The following EPS15 variants were observed in gnomAD, a reference collection of about 807,000 sequenced individuals.
EPS15 encodes the protein epidermal growth factor receptor pathway substrate 15.
In EPS15, 72 loss-of-function variants were observed where a neutral mutation model predicts 113.8. That is an observed-to-expected ratio of 0.63 (90% CI 0.52 to 0.77). EPS15 has a LOEUF of 0.77. Among genes scored for constraint, EPS15 ranks in the 30% least tolerant of loss-of-function variants. EPS15 has a pLI of 0.00. For synonymous variants in EPS15, 344 were observed against 363.4 expected (o/e 0.95, Z 0.61); for missense variants, 1,048 against 1,045.8 (o/e 1.00, Z -0.03).
chr1:51,485,461 C>T (rs549019554), intron 1 of EPS15, among the ~76,000 whole-genome samples: 9 of 152,030 alleles, frequency 5.9e-5, no homozygotes, highest in East Asian at 1.9e-4. Flanking sequence ...GGCATGATGG[C>T]GCACACCTGT....
At chr1:51,433,797 T>C (rs1015012237) in intron 12 of EPS15, among the ~76,000 whole-genome samples, 2 of 152,226 alleles carry the variant, frequency 1.3e-5, no homozygotes, top group Non-Finnish European at 2.9e-5. Flanking sequence ...TGACAGGATG[T>C]GGCTTTAACT....
At position 51,431,025 on chromosome 1, in the gene EPS15, C is replaced by A. The variant is rs868656275; in HGVS notation, c.1041-9167G>T. Among the ~76,000 whole-genome samples, 524 of 109,888 alleles carry A rather than the reference C, an allele frequency of 4.8e-3. 1 individual carries two copies. Among genetic ancestry groups the A allele is most frequent in the Non-Finnish European group, 5.6e-3 (295 of 52,380 alleles). The allele number at this position is 109,888 out of a possible 152,430, so 72.1% of individuals were successfully genotyped here. The stretch of plus-strand genomic sequence containing the variant: ...ACACACACACACACACACACACACA[C>A]ACAAAAATAAAACTTGCCTTAATTA... On this transcript the variant is annotated intron_variant, in intron 12 of 24. Coordinates refer to ENST00000371733, the MANE Select transcript of EPS15 (RefSeq NM_001981.3).
chr1:51,516,169 C>T (rs1363655063), intron 1 of EPS15, among the ~76,000 whole-genome samples: 1 of 151,984 alleles, frequency 6.6e-6, no homozygotes, highest in Non-Finnish European at 1.5e-5. Flanking sequence ...CACTAAAGAA[C>T]CCAGAGAAAG....
chr1:51,423,822 A>G (rs1357336709), intron 12 of EPS15: 6 of 611,172 alleles, frequency 9.8e-6, no homozygotes, highest in Non-Finnish European at 1.2e-5. Context: ...TGAAAATCCA[A>G]AACAGATTAC....
chr1:51,431,071 A>C (rs1229669634), intron 12 of EPS15, among the ~76,000 whole-genome samples: 1 of 151,720 alleles, frequency 6.6e-6, no homozygotes, highest in Admixed American at 6.6e-5. Flanking sequence ...ATGTGATACA[A>C]TTTCATTCTT....
chr1:51,361,790 A>C (rs1180161561), intron 23 of EPS15, among the ~76,000 whole-genome samples: 1 of 152,228 alleles, frequency 6.6e-6, no homozygotes, highest in African/African-American at 2.4e-5. Flanking sequence ...AGTAAGAGCA[A>C]ATGACCTCTG....
intron 14 of EPS15, among the ~76,000 whole-genome samples, chr1:51,408,785 G>T (rs369966383): frequency 5.2e-4 from 77 of 147,484 alleles, no homozygotes; most frequent in African/African-American, 1.9e-3. Context: ...GGGCCACCAC[G>T]CCTGGCTTTC....
chr1:51,430,178 T>A (rs1332496795), intron 12 of EPS15, among the ~76,000 whole-genome samples: 2 of 152,180 alleles, frequency 1.3e-5, no homozygotes, highest in Non-Finnish European at 2.9e-5. Context: ...TCAGAAGCCT[T>A]GAGCTAGATT....
chr1:51,463,311 TACA>T (rs1396860215), intron 7 of EPS15: 3 of 157,924 alleles, frequency 1.9e-5, no homozygotes, highest in African/African-American at 7.2e-5. Flanking sequence ...AACTATTCCT[TACA>T]ACAAGACACC....
chr1:51,380,342 T>C (rs935046501), intron 21 of EPS15, among the ~76,000 whole-genome samples: 6 of 152,078 alleles, frequency 3.9e-5, no homozygotes, highest in African/African-American at 1.4e-4. Flanking sequence ...TATCAACATA[T>C]GGACAAATAT....
intron 24 of EPS15, 150 bp from the exon 25 acceptor site, chr1:51,356,996 A>T (rs1184032988): frequency 3.2e-6 from 2 of 615,644 alleles, no homozygotes; most frequent in East Asian, 5.7e-5. Context: ...CCCTGAAAAC[A>T]TGTTTAATAT....
intron 1 of EPS15, among the ~76,000 whole-genome samples, chr1:51,483,060 C>CATT (rs1421574970): frequency 1.2e-4 from 19 of 152,012 alleles, no homozygotes; most frequent in Admixed American, 1.2e-3. Context: ...AATTGTAAAC[C>CATT]ATTCCAAGTA....
chr1:51,391,117 T>G (rs557284253), intron 21 of EPS15, among the ~76,000 whole-genome samples: 1 of 152,178 alleles, frequency 6.6e-6, no homozygotes, highest in Non-Finnish European at 1.5e-5. Flanking sequence ...ATATACACCA[T>G]GGAATACTAT....
chr1:51,467,653 A>T (rs75333853), intron 5 of EPS15, among the ~76,000 whole-genome samples: 4,883 of 152,278 alleles, frequency 0.032, 127 homozygotes, highest in Non-Finnish European at 0.05. Flanking sequence ...GTATAGCAGG[A>T]GGTGAGCAGC....
intron 11 of EPS15, among the ~76,000 whole-genome samples, chr1:51,444,094 C>G (rs1463806538): frequency 1.3e-5 from 2 of 152,202 alleles, no homozygotes; most frequent in African/African-American, 2.4e-5. Flanking sequence ...TATAACAACC[C>G]TGAAAAATCT....
intron 1 of EPS15, among the ~76,000 whole-genome samples, chr1:51,508,156 T>C (rs1171080296): frequency 7.4e-6 from 1 of 135,390 alleles, no homozygotes; most frequent in Non-Finnish European, 1.5e-5. Flanking sequence ...CACTCCAGCC[T>C]GGCAACAGAG....
chr1:51,427,060 C>T (rs563828440), intron 12 of EPS15, among the ~76,000 whole-genome samples: 1 of 152,072 alleles, frequency 6.6e-6, no homozygotes, highest in South Asian at 2.1e-4. Flanking sequence ...TTTAAGCCTC[C>T]GTTTTCTTCT....
chr1:51,462,870 A>ATTTTTTTTTTG (rs1654569433), intron 7 of EPS15, among the ~76,000 whole-genome samples: 1 of 111,070 alleles, frequency 9.0e-6, no homozygotes, highest in African/African-American at 3.6e-5. Flanking sequence ...AAAAAGTCAG[A>ATTTTTTTTTTG]TTTTTTTTTT....
At chr1:51,457,010 G>A (rs548891133) in intron 8 of EPS15, among the ~76,000 whole-genome samples, 2 of 152,274 alleles carry the variant, frequency 1.3e-5, no homozygotes, top group East Asian at 3.9e-4. Context: ...GGGGGGCCAG[G>A]CACAGTGGCT....
Sources: gnomAD v4.1 joint callset for allele counts (sites outside exome capture counted in the v4.1 genomes callset) on GRCh38, gnomAD v4.1.1 for gene constraint, MANE v1.5 for transcripts, NCBI Gene and HGNC (gene_info 2026-07-23, HGNC 2026-07-21) for gene names.